Variants in NRG3 observed in about 807,000 individuals in gnomAD.
The protein encoded by NRG3 is neuregulin 3, also known as pro-neuregulin-3, membrane-bound isoform.
In NRG3, 31 loss-of-function variants were observed where a neutral mutation model predicts 66.9. The ratio of observed to expected loss-of-function variants is 0.46; its 90% CI spans 0.35 to 0.63. NRG3 has a LOEUF of 0.63. NRG3 is among the 20% of genes least tolerant of loss of function. NRG3 has a pLI of 0.00. For synonymous variants in NRG3, 393 were observed against 359.4 expected (o/e 1.09, Z -1.06); for missense variants, 910 against 878.9 (o/e 1.04, Z -0.45).
At chr10:82,224,181 A>G (rs543504840) in intron 1 of NRG3, 1 of 152,334 alleles carries the variant, frequency 6.6e-6, no homozygotes, top group South Asian at 2.1e-4. Flanking sequence ...TCATTGCCGT[A>G]TCCTCAGCAC....
At chr10:81,975,226 A>G (rs2060074172) in intron 1 of NRG3, among the ~76,000 whole-genome samples, 2 of 152,188 alleles carry the variant, frequency 1.3e-5, no homozygotes, top group South Asian at 4.1e-4. Context: ...AAAAAATGTG[A>G]TAGAAACAAT....
At chr10:81,943,783 A>G (rs1236350970) in intron 1 of NRG3, among the ~76,000 whole-genome samples, 1 of 152,178 alleles carries the variant, frequency 6.6e-6, no homozygotes, top group Non-Finnish European at 1.5e-5. Flanking sequence ...TACCATTACA[A>G]TCGTGGTGCT....
chr10:82,962,763 C>T lies in NRG3; in HGVS notation c.1284+3688C>T, dbSNP rs533492149. ...TTGAGGTGGGAGAATTGCTTGAACC[C>T]GGGAGGCAGAGGTTGCAGTGACCCG... On this transcript the variant is annotated intron_variant, in intron 6 of 8. Transcript: ENST00000372141. Among the ~76,000 whole-genome samples the T allele has an allele frequency of 7.9e-5, 12 of 152,052 alleles. No individual in the cohort carries two copies. The South Asian group carries it at 1.9e-3, about 24-fold the overall frequency.
intron 1 of NRG3, among the ~76,000 whole-genome samples, chr10:82,274,149 T>A (rs1012690540): frequency 1.3e-5 from 2 of 151,940 alleles, no homozygotes; most frequent in African/African-American, 4.8e-5. Flanking sequence ...ATTAAAAAAA[T>A]CATTTCTAGA....
intron 4 of NRG3, among the ~76,000 whole-genome samples, chr10:82,943,384 C>T (rs958787550): frequency 6.6e-6 from 1 of 152,148 alleles, no homozygotes; most frequent in African/African-American, 2.4e-5. Flanking sequence ...GTGATCTTAG[C>T]CAGGCCACCC....
chr10:81,988,426 A>T (rs756878907), intron 1 of NRG3, among the ~76,000 whole-genome samples: 6 of 152,170 alleles, frequency 3.9e-5, no homozygotes, highest in Non-Finnish European at 7.4e-5. Context: ...GATGGCTCTT[A>T]GTGGTGGTTT....
intron 2 of NRG3, among the ~76,000 whole-genome samples, chr10:82,730,477 G>A (rs1307526723): frequency 6.6e-6 from 1 of 152,186 alleles, no homozygotes; most frequent in African/African-American, 2.4e-5. Context: ...GACAAAAAAT[G>A]TATGATGTAT....
chr10:82,556,496 G>A (rs1228039510), intron 2 of NRG3, among the ~76,000 whole-genome samples: 1 of 152,076 alleles, frequency 6.6e-6, no homozygotes, highest in African/African-American at 2.4e-5. Context: ...AGCTGCATTG[G>A]CTGGCGGCAG....
intron 1 of NRG3, among the ~76,000 whole-genome samples, chr10:82,049,569 T>C (rs894656071): frequency 1.3e-5 from 2 of 152,104 alleles, no homozygotes; most frequent in African/African-American, 2.4e-5. Flanking sequence ...CAAGACTTTA[T>C]GTTGTTTCTG....
At chr10:82,525,977 A>T (rs1265395611) in intron 2 of NRG3, among the ~76,000 whole-genome samples, 1 of 151,944 alleles carries the variant, frequency 6.6e-6, no homozygotes, top group Non-Finnish European at 1.5e-5. Flanking sequence ...GACAGCCAGG[A>T]AGAAAGATCA....
chr10:82,170,682 A>ATG (rs1411248268), intron 1 of NRG3, among the ~76,000 whole-genome samples: 1 of 139,034 alleles, frequency 7.2e-6, no homozygotes, highest in Non-Finnish European at 1.6e-5. Flanking sequence ...ATATATATAT[A>ATG]TATATATATA....
intron 2 of NRG3, among the ~76,000 whole-genome samples, chr10:82,733,833 T>C (rs952414167): frequency 6.6e-6 from 1 of 152,256 alleles, no homozygotes; most frequent in African/African-American, 2.4e-5. Context: ...CTCATTGTCA[T>C]ATTATAAGCC....
intron 2 of NRG3, among the ~76,000 whole-genome samples, chr10:82,501,217 G>T (rs148125468): frequency 6.6e-6 from 1 of 152,012 alleles, no homozygotes; most frequent in Non-Finnish European, 1.5e-5. Context: ...ATCTAAGCAC[G>T]GCCAAGTAAG....
intron 4 of NRG3, among the ~76,000 whole-genome samples, chr10:82,924,611 T>G (rs992402230): frequency 5.9e-4 from 89 of 151,516 alleles, no homozygotes; most frequent in African/African-American, 2.1e-3. Flanking sequence ...AGATTGTAGG[T>G]TGACACAGCA....
intron 2 of NRG3, among the ~76,000 whole-genome samples, chr10:82,607,640 C>T (rs73313562): frequency 0.031 from 4,650 of 151,994 alleles, 204 homozygotes; most frequent in African/African-American, 0.11. Flanking sequence ...TGCTCTTGTT[C>T]TCTTTTTTTC....
intron 1 of NRG3, among the ~76,000 whole-genome samples, chr10:81,881,407 C>T (rs1477154198): frequency 1.3e-5 from 2 of 152,032 alleles, no homozygotes; most frequent in Admixed American, 6.5e-5. Context: ...TGATTTAAAA[C>T]AATAATTAAG....
At chr10:82,122,072 C>T (rs1338150656) in intron 1 of NRG3, among the ~76,000 whole-genome samples, 5 of 152,082 alleles carry the variant, frequency 3.3e-5, no homozygotes, top group Non-Finnish European at 5.9e-5. Flanking sequence ...TCAGTCTCAT[C>T]GGTAAAATGA....
At position 81,969,119 on chromosome 10, in the gene NRG3, A is replaced by C. The variant is rs114035049; in HGVS notation, c.823+92956A>C. Among the ~76,000 whole-genome samples the C allele has an allele frequency of 5.2e-3, 786 of 152,206 alleles. 8 individuals carry two copies. Among genetic ancestry groups the C allele is most frequent in the African/African-American group, 0.018 (759 of 41,514 alleles). On this transcript the variant is annotated intron_variant, in intron 1 of 8. Transcript: ENST00000372141. The stretch of plus-strand genomic sequence containing the variant: ...TTGAACAGATTATGAGGGGTAAGAG[A>C]AGGACATGACCGTGCTTTTGCTGGA...
chr10:82,338,768 A>G (rs535064614), intron 1 of NRG3, among the ~76,000 whole-genome samples: 1 of 152,140 alleles, frequency 6.6e-6, no homozygotes, highest in Non-Finnish European at 1.5e-5. Flanking sequence ...GCTTCGTGAA[A>G]CCCCATGAAT....
Sources: gnomAD v4.1 joint callset for allele counts (sites outside exome capture counted in the v4.1 genomes callset) on GRCh38, gnomAD v4.1.1 for gene constraint, MANE v1.5 for transcripts, NCBI Gene and HGNC (gene_info 2026-07-23, HGNC 2026-07-21) for gene names.